The following SPMIP3 variants were observed in gnomAD, a reference collection of about 807,000 sequenced individuals.
SPMIP3 encodes protein SPMIP3.
At chr1:244,373,332 T>TTATACATA in the SPMIP3 span, among the ~76,000 whole-genome samples, 2 of 85,148 alleles carry the variant, frequency 2.3e-5, no homozygotes, top group Admixed American at 1.1e-4. Context: ...CAAAAAAAAA[T>TTATACATA]TATATATATA....
the SPMIP3 span, chr1:244,364,882 T>A: frequency 9.8e-7 from 1 of 1,019,080 alleles, no homozygotes; most frequent in Non-Finnish European, 1.5e-6. Flanking sequence ...CTAGGGAAGC[T>A]CTTTGGATAT....
At chr1:244,375,245 G>C in the SPMIP3 span, 2 of 655,444 alleles carry the variant, frequency 3.1e-6, no homozygotes, top group Non-Finnish European at 5.1e-6. Flanking sequence ...ATGGGTTTTA[G>C]GGGCTCAGTG....
chr1:244,370,823 T>A, the SPMIP3 span, among the ~76,000 whole-genome samples: 1 of 152,228 alleles, frequency 6.6e-6, no homozygotes, highest in Non-Finnish European at 1.5e-5. Context: ...TGGCATTTAC[T>A]TGTTTAAGTG....
the SPMIP3 span, chr1:244,375,629 G>GT: frequency 0.16 from 54,055 of 342,800 alleles, no homozygotes; most frequent in South Asian, 0.2. Context: ...AACTGTTAAT[G>GT]TTTTTTTTTT....
chr1:244,360,520 A>ACACT, the SPMIP3 span, among the ~76,000 whole-genome samples: 1,822 of 60,084 alleles, frequency 0.03, 37 homozygotes, highest in Non-Finnish European at 0.047. Flanking sequence ...ACACACACAC[A>ACACT]CACACACACA....
the SPMIP3 span, among the ~76,000 whole-genome samples, chr1:244,381,919 T>G: frequency 6.6e-6 from 1 of 152,154 alleles, no homozygotes; most frequent in African/African-American, 2.4e-5. Flanking sequence ...AGAGCAAGAC[T>G]CCGTCTCAAA....
chr1:244,385,980 A>AT, the SPMIP3 span, among the ~76,000 whole-genome samples: 1 of 149,676 alleles, frequency 6.7e-6, no homozygotes, highest in Non-Finnish European at 1.5e-5. Context: ...CTTAGCCAAC[A>AT]TAGTGAAACC....
chr1:244,358,846 G>A, the SPMIP3 span, among the ~76,000 whole-genome samples: 2 of 152,190 alleles, frequency 1.3e-5, no homozygotes, highest in East Asian at 3.9e-4. Context: ...GTTTGCTTTG[G>A]AAGAATTTTA....
chr1:244,376,310 CAT>C, the SPMIP3 span: 2 of 152,322 alleles, frequency 1.3e-5, no homozygotes, highest in East Asian at 3.9e-4. Flanking sequence ...ATCAGGCAAA[CAT>C]AACTGATGAT....
At chr1:244,375,570 G>C in the SPMIP3 span, 3 of 697,146 alleles carry the variant, frequency 4.3e-6, no homozygotes, top group South Asian at 7.0e-5. Flanking sequence ...TAATACTGAT[G>C]ATAGCAAAAA....
the SPMIP3 span, among the ~76,000 whole-genome samples, chr1:244,358,202 C>G: frequency 1.3e-5 from 2 of 151,874 alleles, no homozygotes; most frequent in Admixed American, 6.6e-5. Context: ...TGCACTCCAG[C>G]CTGGGTGACA....
chr1:244,377,071 G>A, the SPMIP3 span, among the ~76,000 whole-genome samples: 1 of 151,852 alleles, frequency 6.6e-6, no homozygotes, highest in East Asian at 1.9e-4. Flanking sequence ...GCCTCCCAAA[G>A]TGATGGGATT....
chr1:244,388,068 C>T, the SPMIP3 span, among the ~76,000 whole-genome samples: 1 of 152,088 alleles, frequency 6.6e-6, no homozygotes, highest in East Asian at 1.9e-4. Flanking sequence ...GCTGGGATTA[C>T]AGGCACCTGC....
At chr1:244,383,722 G>A in the SPMIP3 span, among the ~76,000 whole-genome samples, 1 of 152,154 alleles carries the variant, frequency 6.6e-6, no homozygotes, top group African/African-American at 2.4e-5. Flanking sequence ...TGGCAGGAAG[G>A]AGCATGACAT....
At chr1:244,355,544 C>A in the SPMIP3 span, among the ~76,000 whole-genome samples, 1 of 151,978 alleles carries the variant, frequency 6.6e-6, no homozygotes, top group Non-Finnish European at 1.5e-5. Flanking sequence ...AGCGCCACCA[C>A]GCCTGGCTAA....
At chr1:244,369,801 G>T in the SPMIP3 span, among the ~76,000 whole-genome samples, 1 of 152,162 alleles carries the variant, frequency 6.6e-6, no homozygotes, top group Admixed American at 6.5e-5. Context: ...GGCACGTGAA[G>T]AAGCTGGCCG....
chr1:244,371,364 A>G, the SPMIP3 span, among the ~76,000 whole-genome samples: 1 of 152,260 alleles, frequency 6.6e-6, no homozygotes, highest in East Asian at 1.9e-4. Flanking sequence ...TTTCACAATC[A>G]TTCACTGAGG....
chr1:244,371,006 G>A, the SPMIP3 span, among the ~76,000 whole-genome samples: 2 of 152,194 alleles, frequency 1.3e-5, no homozygotes, highest in South Asian at 2.1e-4. Flanking sequence ...AGAGAAGAGC[G>A]TGGTCACAGG....
chr1:244,356,443 G>A, the SPMIP3 span, among the ~76,000 whole-genome samples: 1 of 152,204 alleles, frequency 6.6e-6, no homozygotes, highest in Non-Finnish European at 1.5e-5. Context: ...AAATCTTACA[G>A]ATTTGTTCCT....
Sources: gnomAD v4.1 joint callset for allele counts (sites outside exome capture counted in the v4.1 genomes callset) on GRCh38, gnomAD v4.1.1 for gene constraint, MANE v1.5 for transcripts, NCBI Gene and HGNC (gene_info 2026-07-23, HGNC 2026-07-21) for gene names.